ZBTB7A: variants seen among roughly 807,000 people sequenced by gnomAD.
The protein encoded by ZBTB7A is zinc finger and BTB domain containing 7A.
Under a neutral mutation model 26.7 loss-of-function variants are expected in ZBTB7A, and 7 were observed. The ratio of observed to expected loss-of-function variants is 0.26; its 90% CI spans 0.15 to 0.49. The LOEUF is 0.49. Among genes scored for constraint, ZBTB7A ranks in the 20% least tolerant of loss-of-function variants. The pLI is 0.98. For synonymous variants in ZBTB7A, 452 were observed against 441.0 expected, an observed-to-expected ratio of 1.02 and a Z score of -0.31; for missense variants, 617 against 919.5, an observed-to-expected ratio of 0.67 and a Z score of 4.25.
At chr19:4,066,249 C>T (rs1568240086) in intron 1 of ZBTB7A, among the ~76,000 whole-genome samples, 1 of 144,162 alleles carries the variant, frequency 6.9e-6, no homozygotes, top group Non-Finnish European at 1.5e-5. Context: ...AACGTATGCA[C>T]GCAGCACCGA....
At position 4,046,404 on chromosome 19, in the gene ZBTB7A, C is replaced by T; in HGVS notation, c.*1348G>A. On this transcript the variant is annotated 3_prime_UTR_variant, in exon 3 of 3. Transcript: ENST00000322357. ...CTTTTAGGAATTTCTTCTGCTCTCG[C>T]TCTCTCTCTCGCTCTCTCTCTCGCT... 2 of 176,206 alleles carry T rather than the reference C, an allele frequency of 1.1e-5. No individual in the cohort carries two copies. Among genetic ancestry groups the T allele is most frequent in the Non-Finnish European group, 1.1e-5 (1 of 87,118 alleles). The allele number at this position is 176,206 out of a possible 1,614,324, so 10.9% of individuals were successfully genotyped here. A position where few individuals can be genotyped will look rare whatever the true frequency, so the allele number is the denominator to read the frequency against.
At chr19:4,050,151 C>T (rs1433638547) in intron 2 of ZBTB7A, among the ~76,000 whole-genome samples, 2 of 152,214 alleles carry the variant, frequency 1.3e-5, no homozygotes, top group Non-Finnish European at 2.9e-5. Flanking sequence ...TCTCGGACTC[C>T]TGACCTCAGG....
In ZBTB7A at chr19:4,054,196, T is replaced by C. The variant is rs1329344700; in HGVS notation, c.1037A>G (p.Lys346Arg). The C allele has an allele frequency of 6.3e-7, 1 of 1,591,666 alleles. No individual in the cohort carries two copies. Among genetic ancestry groups the C allele is most frequent in the Non-Finnish European group, 8.5e-7 (1 of 1,174,614 alleles). The part of the protein sequence containing the change: ...DSDEESRADD[K>R]GVMDYYLKYF... ...CTTCAGGTAGTAGTCCATGACGCCC[T>C]TGTCGTCGGCCCGCGACTCCTCGTC... is the stretch of plus-strand genomic sequence containing the variant. Residue 346 changes from lysine to arginine, a missense_variant, in exon 2 of 3, where the codon AAG becomes AGG. Coordinates refer to ENST00000322357, the MANE Select transcript of ZBTB7A (RefSeq NM_015898.4).
chr19:4,044,145 C>G lies in ZBTB7A; in HGVS notation c.*3607G>C, dbSNP rs1041100342. On this transcript the variant is annotated 3_prime_UTR_variant, in exon 3 of 3. Transcript: ENST00000322357. ...GCAAAGACCCCTGTCCCCCACCTTC[C>G]CTGCAGCCGCCCACTTCCAGGGGAA... Among the ~76,000 whole-genome samples the G allele has an allele frequency of 6.6e-6, 1 of 151,934 alleles. No homozygotes were observed. The highest frequency in any genetic ancestry group is 1.5e-5 in the Non-Finnish European group (1 of 67,958).
At chr19:4,065,465 C>A in intron 1 of ZBTB7A, 1 of 146,734 alleles carries the variant, frequency 6.8e-6, no homozygotes, top group South Asian at 1.8e-4. Flanking sequence ...GGCCCGGCCC[C>A]GGCGGCGGCG....
chr19:4,062,250 G>A (rs918085045), intron 1 of ZBTB7A: 1 of 152,250 alleles, frequency 6.6e-6, no homozygotes, highest in Non-Finnish European at 1.5e-5. Flanking sequence ...CTGCTGGGGG[G>A]ACAGATGGAG....
chr19:4,065,477 TGGCGGC>T (rs1490661479), intron 1 of ZBTB7A: 1 of 142,436 alleles, frequency 7.0e-6, no homozygotes, highest in African/African-American at 2.6e-5. Context: ...GCGGCGGCGG[TGGCGGC>T]GGCTGCGGCT....
At position 4,047,910 on chromosome 19, in the gene ZBTB7A, C is replaced by T. The variant is rs2040443852; in HGVS notation, c.1597G>A (p.Gly533Ser). The T allele has an allele frequency of 9.1e-6, 14 of 1,542,438 alleles. No homozygotes were observed. The highest frequency in any genetic ancestry group is 1.2e-5 in the Non-Finnish European group (14 of 1,145,802). ...QPSSPDARRN[G>S]QEKHFKDEDE... is the part of the protein sequence containing the mutation. Reference sequence around the variant, plus strand: ...TCGTCCTTAAAGTGCTTCTCCTGGCCGTTGCGCCGGGCGTCGGGGGAGCTG... The same window carrying T: ...TCGTCCTTAAAGTGCTTCTCCTGGCTGTTGCGCCGGGCGTCGGGGGAGCTG... The change falls in exon 3 of 3, where the codon GGC (glycine) becomes AGC (serine). Residue 533 changes from glycine (G) to serine (S), a missense_variant. Physicochemically the swap from Gly to Ser is moderately conservative, Grantham distance 56 (BLOSUM62 0). Transcript: ENST00000322357.
chr19:4,043,698 C>T lies in ZBTB7A; in HGVS notation c.*4054G>A, dbSNP rs2040373110. Among the ~76,000 whole-genome samples the T allele has an allele frequency of 3.1e-5, 2 of 65,230 alleles. 1 individual carries two copies. The highest frequency in any genetic ancestry group is 1.0e-3 in the South Asian group (2 of 1,952). The allele number at this position is 65,230 out of a possible 152,430, so 42.8% of individuals were successfully genotyped here. A position where few individuals can be genotyped will look rare whatever the true frequency, so the allele number is the denominator to read the frequency against. ...CGGCGAGGGATGGGGGTCTCCCTGG[C>T]CCCCTCCACCCCCTGGGCCCGGCCC... On this transcript the variant is annotated 3_prime_UTR_variant, in exon 3 of 3. Transcript: ENST00000322357.
At position 4,054,852 on chromosome 19, in the gene ZBTB7A, C is replaced by T. The variant is rs201743703; in HGVS notation, c.381G>A (p.Leu127=). 7.6e-5 allele frequency: 123 copies of T among 1,608,440 alleles called. No homozygotes were observed. The East Asian group carries it at 2.5e-3, about 33-fold the overall frequency. The change falls in exon 2 of 3, where the codon CTG becomes CTA. Residue 127 remains leucine, a synonymous_variant. Coordinates refer to ENST00000322357, the MANE Select transcript of ZBTB7A (RefSeq NM_015898.4). ...PAVSHVCADL[L]DRQILAADAG... ...CGTCGGCCGCCAGGATCTGCCGGTC[C>T]AGGAGGTCGGCGCACACGTGGCTCA...
In ZBTB7A at chr19:4,045,987, C is replaced by A. The variant is rs1021415271; in HGVS notation, c.*1765G>T. The A allele has an allele frequency of 5.0e-6, 2 of 398,882 alleles. No homozygotes were observed. Among genetic ancestry groups the A allele is most frequent in the Non-Finnish European group, 8.8e-6 (2 of 226,066 alleles). The allele number at this position is 398,882 out of a possible 1,614,324, so 24.7% of individuals were successfully genotyped here. ...CAGCAGGGTAGGCGCATCCAAGGTC[C>A]AGCTCCTTGGTGGCCATGCGGGAGG... On this transcript the variant is annotated 3_prime_UTR_variant, in exon 3 of 3. Coordinates refer to ENST00000322357, the MANE Select transcript of ZBTB7A (RefSeq NM_015898.4). The surrounding 1 kb of genome is among the most constrained non-coding windows in gnomAD (Gnocchi z 4.1).
rs1386070790 is a variant in ZBTB7A at position 4,049,196 on chromosome 19, ATATATATATATATG to A, written c.1263-966_1263-953del. On this transcript the variant is annotated intron_variant, in intron 2 of 2. Transcript: ENST00000322357. ...TATATATATATATATATATATATAT[ATATATATATATATG>A]TAAGTTTGAGAGATGGGGGTTGAGC... is the stretch of plus-strand genomic sequence containing the variant. Among the ~76,000 whole-genome samples the A allele has an allele frequency of 4.9e-5, 2 of 40,478 alleles. 1 individual carries two copies. Among genetic ancestry groups the A allele is most frequent in the Non-Finnish European group, 1.3e-4 (2 of 14,906 alleles). The allele number at this position is 40,478 out of a possible 152,430, so 26.6% of individuals were successfully genotyped here.
At chr19:4,057,546 T>A (rs1381750262) in intron 1 of ZBTB7A, among the ~76,000 whole-genome samples, 1 of 151,830 alleles carries the variant, frequency 6.6e-6, no homozygotes, top group African/African-American at 2.4e-5. Flanking sequence ...TCCCAGCACT[T>A]TGAGAGGCCA....
intron 1 of ZBTB7A, among the ~76,000 whole-genome samples, chr19:4,064,004 AAAC>A (rs1023547629): frequency 2.0e-5 from 3 of 150,098 alleles, no homozygotes; most frequent in Non-Finnish European, 4.5e-5. Context: ...GAAAAGGAAA[AAAC>A]AAACAAACAA....
At chr19:4,060,184 TC>T (rs892325737) in intron 1 of ZBTB7A, among the ~76,000 whole-genome samples, 1 of 151,158 alleles carries the variant, frequency 6.6e-6, no homozygotes, top group African/African-American at 2.4e-5. Context: ...GGCGCCCTCC[TC>T]CCCCCGGGCC....
In ZBTB7A at chr19:4,047,660, CT is replaced by C; in HGVS notation, c.*91del. 2 of 1,403,442 alleles carry C rather than the reference CT, an allele frequency of 1.4e-6. No individual in the cohort carries two copies. Among genetic ancestry groups the C allele is most frequent in the Non-Finnish European group, 1.9e-6 (2 of 1,047,786 alleles). 86.9% of individuals were successfully genotyped at this position (1,403,442 alleles called of 1,614,324 possible). A position where few individuals can be genotyped will look rare whatever the true frequency, so the allele number is the denominator to read the frequency against. ...AGATATCTGTATATAGATAGATTTT[CT>C]TTTTTTGTGTTTTTGGGGGGGTGGT... On this transcript the variant is annotated 3_prime_UTR_variant, in exon 3 of 3. Coordinates refer to ENST00000322357, the MANE Select transcript of ZBTB7A (RefSeq NM_015898.4).
chr19:4,044,196 C>G lies in ZBTB7A; in HGVS notation c.*3556G>C, dbSNP rs1318040018. On this transcript the variant is annotated 3_prime_UTR_variant, in exon 3 of 3. Transcript: ENST00000322357. ...GACCCTGGAAGAGGCTGGGGGACCC[C>G]CCTCGGAAGGAAGCAAAAAGACAGT... is the stretch of plus-strand genomic sequence containing the variant. Among the ~76,000 whole-genome samples, 1 of 151,840 alleles carries G rather than the reference C, an allele frequency of 6.6e-6. No homozygotes were observed. The highest frequency in any genetic ancestry group is 1.5e-5 in the Non-Finnish European group (1 of 67,936).
At position 4,047,914 on chromosome 19, in the gene ZBTB7A, G is replaced by C; in HGVS notation, c.1593C>G (p.Arg531=). The change falls in exon 3 of 3, where the codon CGC becomes CGG. Residue 531 remains arginine (R), a synonymous_variant. Coordinates refer to ENST00000322357, the MANE Select transcript of ZBTB7A (RefSeq NM_015898.4). ...CCTTAAAGTGCTTCTCCTGGCCGTTGCGCCGGGCGTCGGGGGAGCTGGGCT... is the reference window on the plus strand; with the variant it reads ...CCTTAAAGTGCTTCTCCTGGCCGTTCCGCCGGGCGTCGGGGGAGCTGGGCT... ...PAQPSSPDAR[R]NGQEKHFKDE... is the part of the protein sequence containing the mutation. The C allele has an allele frequency of 1.3e-6, 2 of 1,536,240 alleles. No homozygotes were observed. Among genetic ancestry groups the C allele is most frequent in the Non-Finnish European group, 1.8e-6 (2 of 1,142,640 alleles).
Position 4,048,321 on chromosome 19 carries a change from A to G in ZBTB7A, c.1263-77T>C. 2.0e-6 allele frequency: 3 copies of G among 1,463,542 alleles called. No individual in the cohort carries two copies. Among genetic ancestry groups the G allele is most frequent in the Non-Finnish European group, 2.7e-6 (3 of 1,116,500 alleles). 90.7% of individuals were successfully genotyped at this position (1,463,542 alleles called of 1,614,324 possible). On this transcript the variant is annotated intron_variant, in intron 2 of 2. Transcript: ENST00000322357. The surrounding 1 kb of genome is among the most constrained non-coding windows in gnomAD (Gnocchi z 6.7). ...TCCCCGCCCAGGGACCCTCACGGACACGGCAGGCCCTGGATCATCACCCTT... is the reference window on the plus strand; with the variant it reads ...TCCCCGCCCAGGGACCCTCACGGACGCGGCAGGCCCTGGATCATCACCCTT...
Sources: gnomAD v4.1 joint callset for allele counts (sites outside exome capture counted in the v4.1 genomes callset) on GRCh38, gnomAD v4.1.1 for gene constraint, Gnocchi (gnomAD v3.1) non-coding constraint, MANE v1.5 for transcripts, NCBI Gene and HGNC (gene_info 2026-07-23, HGNC 2026-07-21) for gene names.